LRBA: variants seen among roughly 807,000 people sequenced by gnomAD.
The protein encoded by LRBA is lipopolysaccharide-responsive and beige-like anchor protein.
LRBA carries 176 observed loss-of-function variants against 330.0 expected under a neutral mutation model. The ratio of observed to expected loss-of-function variants is 0.53; its 90% CI spans 0.47 to 0.60. The LOEUF is 0.60. LRBA is among the 20% of genes least tolerant of loss of function. LRBA has a pLI of 0.00. For missense variants in LRBA, 3,259 were observed against 3,444.8 expected (o/e 0.95, Z 1.35); for synonymous variants, 1,230 against 1,193.0 (o/e 1.03, Z -0.64).
intron 55 of LRBA, among the ~76,000 whole-genome samples, chr4:150,279,662 C>G (rs1315672855): frequency 6.6e-6 from 1 of 152,168 alleles, no homozygotes; most frequent in African/African-American, 2.4e-5. Context: ...ACAGCTTATT[C>G]TCAAGAACAC....
intron 28 of LRBA, among the ~76,000 whole-genome samples, chr4:150,834,134 G>T (rs1035532614): frequency 3.3e-5 from 5 of 152,122 alleles, no homozygotes; most frequent in Admixed American, 6.6e-5. Flanking sequence ...TGGAAATCAT[G>T]AACTCCTAAA....
At chr4:150,395,458 C>A (rs77435068) in intron 47 of LRBA, among the ~76,000 whole-genome samples, 3,528 of 152,160 alleles carry the variant, frequency 0.023, 53 homozygotes, top group Non-Finnish European at 0.037. Flanking sequence ...TAACTAAGGT[C>A]ATCATCTCCT....
intron 47 of LRBA, among the ~76,000 whole-genome samples, chr4:150,401,392 A>T (rs1382785927): frequency 6.6e-6 from 1 of 152,214 alleles, no homozygotes; most frequent in Non-Finnish European, 1.5e-5. Flanking sequence ...TTTTTTTCCG[A>T]TAACATCATA....
intron 40 of LRBA, among the ~76,000 whole-genome samples, chr4:150,499,730 C>A (rs1760016458): frequency 6.6e-6 from 1 of 151,662 alleles, no homozygotes; most frequent in Non-Finnish European, 1.5e-5. Flanking sequence ...ATTTAAGTCA[C>A]CACTAATAAA....
intron 40 of LRBA, among the ~76,000 whole-genome samples, chr4:150,574,862 C>T (rs995204150): frequency 1.3e-5 from 2 of 151,936 alleles, no homozygotes; most frequent in Admixed American, 6.6e-5. Flanking sequence ...CTTTCTGCTC[C>T]TTTGTGTGTA....
intron 2 of LRBA, among the ~76,000 whole-genome samples, chr4:150,985,584 C>T (rs935491335): frequency 9.2e-5 from 14 of 151,678 alleles, no homozygotes; most frequent in African/African-American, 2.9e-4. Flanking sequence ...CTGCAAGTTC[C>T]GCCTCCCGGG....
At chr4:150,658,305 T>A (rs796286440) in intron 37 of LRBA, among the ~76,000 whole-genome samples, 13 of 151,276 alleles carry the variant, frequency 8.6e-5, no homozygotes, top group African/African-American at 2.9e-4. Context: ...ATCTCTGGAC[T>A]GTTCTTTCAA....
At chr4:150,556,134 AAAAAATAAATAAAAT>A (rs923713513) in intron 40 of LRBA, among the ~76,000 whole-genome samples, 1 of 152,104 alleles carries the variant, frequency 6.6e-6, no homozygotes, top group Non-Finnish European at 1.5e-5. Context: ...CAAAATATAT[AAAAAATAAATAAAAT>A]AAAAATTTTA....
intron 40 of LRBA, among the ~76,000 whole-genome samples, chr4:150,528,364 G>A (rs528505501): frequency 6.6e-6 from 1 of 152,022 alleles, no homozygotes; most frequent in Non-Finnish European, 1.5e-5. Flanking sequence ...AGCCAGGCGT[G>A]GTGGTGGGCG....
intron 44 of LRBA, among the ~76,000 whole-genome samples, chr4:150,453,125 A>G (rs1175928575): frequency 6.6e-6 from 1 of 152,194 alleles, no homozygotes; most frequent in Non-Finnish European, 1.5e-5. Flanking sequence ...TTTACCCAAA[A>G]TGATCTACAG....
intron 2 of LRBA, among the ~76,000 whole-genome samples, chr4:150,992,463 T>TA (rs1345086054): frequency 5.9e-5 from 9 of 152,158 alleles, no homozygotes; most frequent in African/African-American, 1.9e-4. Context: ...TAGGATGAGT[T>TA]AGAGCATCAG....
At chr4:150,867,622 A>C in intron 22 of LRBA, 49 bp downstream of exon 22, 1 of 1,441,680 alleles carries the variant, frequency 6.9e-7, no homozygotes, top group East Asian at 2.7e-5. Context: ...AAAATTCAAA[A>C]ATTATAGATA....
chr4:150,356,870 T>C (rs1737914636), intron 47 of LRBA, among the ~76,000 whole-genome samples: 1 of 151,956 alleles, frequency 6.6e-6, no homozygotes, highest in Non-Finnish European at 1.5e-5. Context: ...ACAAGCTTTA[T>C]CCTATTTACA....
chr4:150,570,281 C>T (rs538151552), intron 40 of LRBA, among the ~76,000 whole-genome samples: 1 of 152,076 alleles, frequency 6.6e-6, no homozygotes, highest in Non-Finnish European at 1.5e-5. Flanking sequence ...GCCTGTCTCA[C>T]TATTTTTGCA....
rs564153678 is a variant in LRBA, at chr4:150,460,334, T to TA, written c.6780+7338dup. Among the ~76,000 whole-genome samples, 9 of 151,876 alleles carry TA rather than the reference T, an allele frequency of 5.9e-5. No individual in the cohort carries two copies. In the East Asian group the frequency reaches 1.7e-3, roughly 29 times the overall value. ...ATGAAGGAGAGAAAAAAAAATCACT[T>TA]ACTTTTCCTGAAAGAGAGAGCGAGA... On this transcript the variant is annotated intron_variant, in intron 44 of 56. Transcript: ENST00000651943.
chr4:150,534,340 T>TATAATAATA (rs36206816), intron 40 of LRBA, among the ~76,000 whole-genome samples: 86 of 143,766 alleles, frequency 6.0e-4, no homozygotes, highest in African/African-American at 1.6e-3. Flanking sequence ...AAACTTGAAG[T>TATAATAATA]ATAATAATAA....
chr4:150,688,516 C>T (rs1312465217), intron 36 of LRBA, among the ~76,000 whole-genome samples: 1 of 152,142 alleles, frequency 6.6e-6, no homozygotes, highest in African/African-American at 2.4e-5. Flanking sequence ...GGTAAACAGA[C>T]AACCTACAGA....
intron 37 of LRBA, among the ~76,000 whole-genome samples, chr4:150,638,193 G>T (rs1051436062): frequency 1.3e-5 from 2 of 151,658 alleles, no homozygotes; most frequent in African/African-American, 2.4e-5. Flanking sequence ...CGCTATGCCT[G>T]GCTAATGTTA....
chr4:150,881,688 A>C (rs1404097558), intron 17 of LRBA, among the ~76,000 whole-genome samples: 1 of 152,222 alleles, frequency 6.6e-6, no homozygotes, highest in Non-Finnish European at 1.5e-5. Context: ...AATTATTAAC[A>C]TAAATACATA....
Sources: allele counts gnomAD v4.1 joint callset (sites outside exome capture counted in the v4.1 genomes callset), GRCh38; gene constraint gnomAD v4.1.1; transcripts MANE v1.5; gene names NCBI Gene and HGNC (gene_info 2026-07-23, HGNC 2026-07-21).